The following MTUS2 variants were observed in gnomAD, a reference collection of about 807,000 sequenced individuals.
MTUS2 encodes the protein microtubule associated scaffold protein 2, also known as microtubule-associated tumor suppressor candidate 2.
A neutral mutation model predicts 114.1 loss-of-function variants in MTUS2; 40 were observed. That is an observed-to-expected ratio of 0.35 (90% CI 0.27 to 0.46). The LOEUF is 0.46. MTUS2 is among the 20% of genes least tolerant of loss of function. The pLI is 1.00. For synonymous variants in MTUS2, 688 were observed against 672.0 expected (o/e 1.02, Z -0.37); for missense variants, 1,679 against 1,705.4 (o/e 0.98, Z 0.27).
At chr13:29,134,585 C>G (rs566358054) in intron 5 of MTUS2, among the ~76,000 whole-genome samples, 154 of 151,832 alleles carry the variant, frequency 1.0e-3, no homozygotes, top group African/African-American at 3.6e-3. Context: ...ATATATCTTC[C>G]TTCTGTATCA....
chr13:29,142,597 T>C (rs1448307799), intron 5 of MTUS2, among the ~76,000 whole-genome samples: 2 of 152,080 alleles, frequency 1.3e-5, no homozygotes, highest in Admixed American at 1.3e-4. Flanking sequence ...TCCCAGCTAC[T>C]CAGGAGGCTG....
intron 5 of MTUS2, among the ~76,000 whole-genome samples, chr13:29,129,216 G>A (rs1459866503): frequency 2.7e-5 from 4 of 148,904 alleles, no homozygotes; most frequent in Non-Finnish European, 3.0e-5. Context: ...TTCCCCATCC[G>A]GAATGACATT....
intron 5 of MTUS2, among the ~76,000 whole-genome samples, chr13:29,266,353 C>A (rs970719012): frequency 6.6e-6 from 1 of 152,192 alleles, no homozygotes; most frequent in East Asian, 1.9e-4. Flanking sequence ...TGAACCCAAG[C>A]AGTCCTAACC....
intron 6 of MTUS2, 101 bp downstream of exon 6, chr13:29,281,966 G>T: frequency 7.9e-7 from 1 of 1,273,200 alleles, no homozygotes; most frequent in Admixed American, 2.5e-5. Context: ...ATTTAGAAGG[G>T]ATGATTGATT....
At chr13:29,207,951 A>AG (rs1456137751) in intron 5 of MTUS2, among the ~76,000 whole-genome samples, 5 of 152,264 alleles carry the variant, frequency 3.3e-5, no homozygotes, top group African/African-American at 1.2e-4. Context: ...AGAATGATTT[A>AG]GGGAGGATTC....
intron 5 of MTUS2, chr13:29,250,346 T>G (rs1012266913): frequency 6.6e-6 from 1 of 152,124 alleles, no homozygotes; most frequent in Admixed American, 6.6e-5. Context: ...AGTATCAGCA[T>G]GCCATCTTAA....
intron 4 of MTUS2, among the ~76,000 whole-genome samples, chr13:29,078,206 T>C (rs1447893973): frequency 6.6e-6 from 1 of 152,180 alleles, no homozygotes; most frequent in African/African-American, 2.4e-5. Context: ...AGGTTTTTAT[T>C]AAAAAATGTT....
intron 6 of MTUS2, among the ~76,000 whole-genome samples, chr13:29,316,427 C>T (rs752966009): frequency 7.2e-5 from 11 of 152,134 alleles, no homozygotes; most frequent in Non-Finnish European, 1.6e-4. Flanking sequence ...TTTGCTGGCC[C>T]CCAGCATTTG....
chr13:29,156,834 C>T (rs1438967581), intron 5 of MTUS2, among the ~76,000 whole-genome samples: 1 of 152,122 alleles, frequency 6.6e-6, no homozygotes, highest in Admixed American at 6.5e-5. Flanking sequence ...CGCTTTGTTA[C>T]CCTCCCAGTC....
intron 2 of MTUS2, among the ~76,000 whole-genome samples, chr13:28,844,590 A>AGTGT (rs60819520): frequency 0.036 from 5,346 of 148,132 alleles, 129 homozygotes; most frequent in Non-Finnish European, 0.043. Context: ...TTTGTGTGTG[A>AGTGT]GTGTGTGTGT....
intron 2 of MTUS2, among the ~76,000 whole-genome samples, chr13:29,004,314 T>C (rs779488980): frequency 3.3e-5 from 5 of 152,230 alleles, no homozygotes; most frequent in Non-Finnish European, 7.3e-5. Flanking sequence ...TTTAAAAAAA[T>C]GCTGGCCGTG....
chr13:28,865,087 G>A (rs1877215467), intron 2 of MTUS2, among the ~76,000 whole-genome samples: 1 of 152,158 alleles, frequency 6.6e-6, no homozygotes, highest in African/African-American at 2.4e-5. Flanking sequence ...GTCTATGTGT[G>A]TGTCTGTATG....
At chr13:28,959,050 C>G (rs1883199641) in intron 2 of MTUS2, among the ~76,000 whole-genome samples, 1 of 152,010 alleles carries the variant, frequency 6.6e-6, no homozygotes, top group Non-Finnish European at 1.5e-5. Flanking sequence ...GGTGGGGGTC[C>G]CTGGGCTTGC....
chr13:29,077,344 T>C (rs1363066040), intron 4 of MTUS2, among the ~76,000 whole-genome samples: 1 of 152,020 alleles, frequency 6.6e-6, no homozygotes, highest in African/African-American at 2.4e-5. Context: ...TCTAACAAAG[T>C]ATCTGTGAAA....
intron 2 of MTUS2, among the ~76,000 whole-genome samples, chr13:28,966,761 T>G (rs1414433097): frequency 1.3e-5 from 2 of 150,726 alleles, no homozygotes; most frequent in African/African-American, 4.9e-5. Context: ...AAGAACTGAT[T>G]ATTATTTTTT....
chr13:29,389,817 A>G (rs1389678148), intron 8 of MTUS2, among the ~76,000 whole-genome samples: 1 of 61,624 alleles, frequency 1.6e-5, no homozygotes, highest in African/African-American at 6.9e-5. Context: ...GTGTATATAT[A>G]CATACATATG....
chr13:28,969,109 A>G (rs1038063857), intron 2 of MTUS2, among the ~76,000 whole-genome samples: 2 of 151,916 alleles, frequency 1.3e-5, no homozygotes, highest in Non-Finnish European at 2.9e-5. Context: ...TGGCATGATC[A>G]TGTCACACTG....
At chr13:29,284,027 C>T (rs1027807449) in intron 6 of MTUS2, among the ~76,000 whole-genome samples, 2 of 152,100 alleles carry the variant, frequency 1.3e-5, no homozygotes, top group African/African-American at 2.4e-5. Flanking sequence ...ATCATACATG[C>T]ATTTATTCTT....
intron 9 of MTUS2, among the ~76,000 whole-genome samples, chr13:29,446,966 A>C (rs1014766574): frequency 6.6e-6 from 1 of 152,202 alleles, no homozygotes; most frequent in African/African-American, 2.4e-5. Context: ...GATTATCCAC[A>C]GTTCAAAAAT....
Sources: allele counts gnomAD v4.1 joint callset (sites outside exome capture counted in the v4.1 genomes callset), GRCh38; gene constraint gnomAD v4.1.1; transcripts MANE v1.5; gene names NCBI Gene and HGNC (gene_info 2026-07-23, HGNC 2026-07-21).